The following UBE3C variants were observed in gnomAD, a reference collection of about 807,000 sequenced individuals.
The protein encoded by UBE3C is ubiquitin protein ligase E3C.
A neutral mutation model predicts 129.4 loss-of-function variants in UBE3C; 42 were observed. The observed-to-expected ratio is 0.32, with a 90% confidence interval of 0.25 to 0.42. The LOEUF is 0.42. UBE3C is among the 10% of genes least tolerant of loss of function. The probability of loss-of-function intolerance (pLI) is 1.00; values close to 1 mark genes in which losing one functional copy is unlikely to be tolerated. For synonymous variants in UBE3C, 510 were observed against 492.4 expected (o/e 1.04, Z -0.47); for missense variants, 1,049 against 1,319.1 (o/e 0.80, Z 3.17).
intron 1 of UBE3C, among the ~76,000 whole-genome samples, chr7:157,155,193 G>A (rs999501233): frequency 2.6e-5 from 4 of 151,468 alleles, no homozygotes; most frequent in Non-Finnish European, 4.4e-5. Context: ...CCCTCCACAC[G>A]CACACACACA....
chr7:157,236,063 G>T (rs1283311714), intron 18 of UBE3C, among the ~76,000 whole-genome samples: 3 of 152,236 alleles, frequency 2.0e-5, no homozygotes, highest in Non-Finnish European at 4.4e-5. Flanking sequence ...AGGTCTTCAA[G>T]AGTGATCCTG....
chr7:157,266,635 G>C (rs1007410962), intron 22 of UBE3C, among the ~76,000 whole-genome samples: 8 of 152,168 alleles, frequency 5.3e-5, no homozygotes, highest in Non-Finnish European at 1.2e-4. Context: ...TAATTTATTA[G>C]CTGGAATTTT....
chr7:157,220,432 T>G (rs181441771), intron 14 of UBE3C, among the ~76,000 whole-genome samples: 37 of 152,360 alleles, frequency 2.4e-4, no homozygotes, highest in East Asian at 1.9e-4. Flanking sequence ...TTAGATATTA[T>G]GCACCATCAA....
chr7:157,182,050 G>A, intron 7 of UBE3C, 58 bp from the exon 8 acceptor site: 1 of 1,454,616 alleles, frequency 6.9e-7, no homozygotes, highest in Non-Finnish European at 9.2e-7. Context: ...ATTTTAATCA[G>A]TGATTGGATG....
chr7:157,240,724 AGAG>A (rs1184418037), intron 18 of UBE3C, among the ~76,000 whole-genome samples: 4 of 152,170 alleles, frequency 2.6e-5, no homozygotes, highest in African/African-American at 9.7e-5. Context: ...GCTGGACAGG[AGAG>A]GAGACCTGTG....
intron 10 of UBE3C, among the ~76,000 whole-genome samples, chr7:157,191,346 C>T (rs887558644): frequency 2.6e-5 from 4 of 152,212 alleles, no homozygotes; most frequent in African/African-American, 9.6e-5. Context: ...GGCTGGAGTG[C>T]CGTGGCGTGA....
At chr7:157,167,881 C>T (rs1173879577) in intron 2 of UBE3C, among the ~76,000 whole-genome samples, 1 of 152,132 alleles carries the variant, frequency 6.6e-6, no homozygotes, top group Non-Finnish European at 1.5e-5. Flanking sequence ...GGCTGTCCAA[C>T]AGCAGTAGCA....
intron 13 of UBE3C, among the ~76,000 whole-genome samples, chr7:157,210,208 T>C (rs1809553428): frequency 6.6e-6 from 1 of 152,206 alleles, no homozygotes; most frequent in African/African-American, 2.4e-5. Flanking sequence ...TACCTTTTTT[T>C]TGTTGGTGGT....
intron 18 of UBE3C, among the ~76,000 whole-genome samples, chr7:157,237,669 T>G (rs1165060485): frequency 2.6e-5 from 4 of 152,226 alleles, no homozygotes; most frequent in African/African-American, 4.8e-5. Context: ...CCATGAAGAT[T>G]AGAAGCACAC....
chr7:157,204,826 C>G (rs557819623), intron 11 of UBE3C, among the ~76,000 whole-genome samples: 2 of 152,304 alleles, frequency 1.3e-5, no homozygotes, highest in South Asian at 4.1e-4. Context: ...GATAAATAAT[C>G]TCAAAACAGT....
intron 13 of UBE3C, among the ~76,000 whole-genome samples, chr7:157,212,366 C>G (rs1325828048): frequency 1.3e-5 from 2 of 152,166 alleles, no homozygotes; most frequent in African/African-American, 4.8e-5. Flanking sequence ...GGTTGCAATA[C>G]TATATCTAAA....
At chr7:157,214,637 C>T (rs1418336180) in intron 13 of UBE3C, among the ~76,000 whole-genome samples, 1 of 152,126 alleles carries the variant, frequency 6.6e-6, no homozygotes, top group African/African-American at 2.4e-5. Flanking sequence ...AATGGAAAGA[C>T]CAGACACGAA....
intron 1 of UBE3C, among the ~76,000 whole-genome samples, chr7:157,141,395 A>G (rs1404422471): frequency 6.6e-6 from 1 of 152,154 alleles, no homozygotes; most frequent in East Asian, 1.9e-4. Flanking sequence ...GGACGCTGTC[A>G]CTAGTCCAGT....
intron 19 of UBE3C, among the ~76,000 whole-genome samples, chr7:157,253,212 A>G (rs931042105): frequency 6.6e-5 from 10 of 152,238 alleles, no homozygotes; most frequent in Non-Finnish European, 1.0e-4. Context: ...TCACCATTTT[A>G]TTAATGGCCA....
At chr7:157,222,828 A>G (rs570747447) in intron 15 of UBE3C, 15 of 178,826 alleles carry the variant, frequency 8.4e-5, no homozygotes, top group Non-Finnish European at 1.5e-4. Flanking sequence ...TCTCCCAGGC[A>G]CCATCTCATG....
chr7:157,245,325 TC>T (rs1219629215), intron 18 of UBE3C, among the ~76,000 whole-genome samples: 1 of 152,230 alleles, frequency 6.6e-6, no homozygotes, highest in Non-Finnish European at 1.5e-5. Context: ...GATTTACACT[TC>T]CAGTTTACTT....
chr7:157,178,602 C>G, intron 5 of UBE3C, 88 bp from the exon 6 acceptor site: 1 of 1,387,116 alleles, frequency 7.2e-7, no homozygotes. Flanking sequence ...GGAATAGTTT[C>G]TTAACCATTG....
At chr7:157,200,639 A>G (rs2116984042) in intron 10 of UBE3C, among the ~76,000 whole-genome samples, 1 of 152,240 alleles carries the variant, frequency 6.6e-6, no homozygotes, top group Admixed American at 6.5e-5. Context: ...ATTTTTATTT[A>G]TTTTTATTGT....
At chr7:157,241,383 C>T (rs1796319307) in intron 18 of UBE3C, among the ~76,000 whole-genome samples, 1 of 152,202 alleles carries the variant, frequency 6.6e-6, no homozygotes, top group South Asian at 2.1e-4. Flanking sequence ...TGAAGGACTC[C>T]ATGATAAAAA....
Sources: gnomAD v4.1 joint callset for allele counts (sites outside exome capture counted in the v4.1 genomes callset) on GRCh38, gnomAD v4.1.1 for gene constraint, MANE v1.5 for transcripts, NCBI Gene and HGNC (gene_info 2026-07-23, HGNC 2026-07-21) for gene names.